The following ZNF560 variants were observed in gnomAD, a reference collection of about 807,000 sequenced individuals.
The protein encoded by ZNF560 is zinc finger protein 560.
Under a neutral mutation model 81.8 loss-of-function variants are expected in ZNF560, and 54 were observed. The ratio of observed to expected loss-of-function variants is 0.66; its 90% CI spans 0.53 to 0.83. ZNF560 has a LOEUF of 0.83. ZNF560 is among the 40% of genes least tolerant of loss of function. The pLI is 0.00. For missense variants in ZNF560, 940 were observed against 932.4 expected, an observed-to-expected ratio of 1.01 and a Z score of -0.11; for synonymous variants, 321 against 317.9, an observed-to-expected ratio of 1.01 and a Z score of -0.10.
At chr19:9,448,089 A>G in the ZNF560 span, among the ~76,000 whole-genome samples, 1 of 152,206 alleles carries the variant, frequency 6.6e-6, no homozygotes. Context: ...ACTCAAACCA[A>G]GAATTTCAAA....
At chr19:9,501,093 TA>T (rs536528750), upstream of ZNF560, among the ~76,000 whole-genome samples, 1 of 151,970 alleles carries the variant, frequency 6.6e-6, no homozygotes, top group Non-Finnish European at 1.5e-5. Flanking sequence ...GATTTGCTAA[TA>T]TTTTTTAAGG....
the ZNF560 span, among the ~76,000 whole-genome samples, chr19:9,454,588 C>T: frequency 5.3e-5 from 8 of 152,114 alleles, no homozygotes; most frequent in Non-Finnish European, 7.3e-5. Context: ...GAGTCTGCCT[C>T]GGCAGCTCCT....
downstream of ZNF560, among the ~76,000 whole-genome samples, chr19:9,465,986 T>A (rs1331348677): frequency 6.6e-6 from 1 of 151,294 alleles, no homozygotes; most frequent in African/African-American, 2.4e-5. Context: ...AGAGTGGGAC[T>A]TCATCTCAAA....
intron 8 of ZNF560, 106 bp downstream of exon 8, chr19:9,469,524 C>T: frequency 2.0e-6 from 2 of 983,338 alleles, no homozygotes; most frequent in Non-Finnish European, 3.2e-6. Context: ...CATCCAAGTC[C>T]AGTGGACAGC....
chr19:9,482,694 G>A (rs75808906), intron 2 of ZNF560, among the ~76,000 whole-genome samples: 10 of 109,436 alleles, frequency 9.1e-5, no homozygotes, highest in South Asian at 3.4e-4. Flanking sequence ...CTCTTTCCAC[G>A]GTCTCCCTCT....
At chr19:9,469,987 C>T in intron 7 of ZNF560, 1 of 456,388 alleles carries the variant, frequency 2.2e-6, no homozygotes, top group Non-Finnish European at 3.9e-6. Context: ...TTCTAAAAAC[C>T]ACTAAAACCT....
chr19:9,489,831 C>A (rs927938144), intron 2 of ZNF560, among the ~76,000 whole-genome samples: 1 of 152,142 alleles, frequency 6.6e-6, no homozygotes, highest in Non-Finnish European at 1.5e-5. Flanking sequence ...ACCTCATGAT[C>A]CGCCCACCTC....
Position 9,467,503 on chromosome 19 carries a change from T to A in ZNF560, c.1444A>T (p.Asn482Tyr), listed in dbSNP as rs142533068. ...CAATCAAAGCGTTTCTGTCCTGTGT[T>A]ACTTCTTCTATCTTCAATAACACCT... is the stretch of plus-strand genomic sequence containing the variant. ...SSGVIEDRRS[N>Y]TGQKRFDCDQ... Residue 482 changes from asparagine (N) to tyrosine (Y), a missense_variant, in exon 10 of 10, where the codon AAC becomes TAC. Transcript: ENST00000301480. 10 of 1,613,974 alleles carry A rather than the reference T, an allele frequency of 6.2e-6. No homozygotes were observed. Among genetic ancestry groups the A allele is most frequent in the Admixed American group, 1.7e-5 (1 of 59,990 alleles).
rs1285902520 is a variant in ZNF560, at chr19:9,467,410, C to T, written c.1537G>A (p.Glu513Lys). ...CATTTGTAACACTTAAAGGGCTTCT[C>T]ACCAGTGTGAGTTCTCAAATGAGCA... ...LFAHLRTHTG[E>K]KPFKCYKCGK... Residue 513 changes from glutamate to lysine, a missense_variant, in exon 10 of 10, where the codon GAG becomes AAG. Glu to Lys is a moderately conservative substitution (Grantham distance 56). Transcript: ENST00000301480. The T allele has an allele frequency of 6.2e-7, 1 of 1,614,028 alleles. No individual in the cohort carries two copies.
chr19:9,480,613 T>C (rs1216245928), intron 2 of ZNF560, among the ~76,000 whole-genome samples: 4 of 148,904 alleles, frequency 2.7e-5, no homozygotes. Context: ...TCTGAAAAGA[T>C]GAACAAACCT....
intron 2 of ZNF560, among the ~76,000 whole-genome samples, chr19:9,489,039 C>T (rs1364874669): frequency 6.6e-6 from 1 of 152,242 alleles, no homozygotes; most frequent in Non-Finnish European, 1.5e-5. Flanking sequence ...AGGCAGAAGT[C>T]ACTATGCTTC....
intron 2 of ZNF560, among the ~76,000 whole-genome samples, chr19:9,496,603 T>TG (rs2073562582): frequency 2.5e-5 from 2 of 78,846 alleles, no homozygotes; most frequent in Admixed American, 1.4e-4. Flanking sequence ...AAGGTGGGGG[T>TG]GGGGGGGACA....
At position 9,480,465 on chromosome 19, in the gene ZNF560, T is replaced by G. The variant is rs185960958; in HGVS notation, c.-56-5096A>C. 2.6e-5 allele frequency among the ~76,000 whole-genome samples: 4 copies of G among 151,762 alleles called. No individual in the cohort carries two copies. The East Asian group carries it at 7.7e-4, about 29-fold the overall frequency. ...AAAAGAAAATCACAAGTAAACACCC[T>G]AACACTGCACCTTGAGGACTTAGAA... On this transcript the variant is annotated intron_variant, in intron 2 of 9. Transcript: ENST00000301480.
the ZNF560 span, among the ~76,000 whole-genome samples, chr19:9,461,232 T>A: frequency 6.6e-6 from 1 of 152,186 alleles, no homozygotes; most frequent in Non-Finnish European, 1.5e-5. Flanking sequence ...CTTTTGTTGG[T>A]AATGGGCGAT....
intron 2 of ZNF560, among the ~76,000 whole-genome samples, chr19:9,477,654 A>T (rs1054730381): frequency 6.6e-6 from 1 of 152,122 alleles, no homozygotes; most frequent in Non-Finnish European, 1.5e-5. Context: ...TGCCCCTTAT[A>T]TTGACTATTT....
chr19:9,453,600 GC>G, the ZNF560 span, among the ~76,000 whole-genome samples: 1 of 152,016 alleles, frequency 6.6e-6, no homozygotes, highest in Non-Finnish European at 1.5e-5. Context: ...AACAACTCTT[GC>G]CAAAACAGAC....
chr19:9,499,767 A>G (rs949909604), upstream of ZNF560, among the ~76,000 whole-genome samples: 2 of 152,168 alleles, frequency 1.3e-5, no homozygotes, highest in African/African-American at 4.8e-5. Context: ...AAACTCTTTC[A>G]GTAATGTTTT....
intron 2 of ZNF560, among the ~76,000 whole-genome samples, chr19:9,493,916 T>A (rs1001307607): frequency 6.6e-6 from 1 of 151,996 alleles, no homozygotes; most frequent in Middle Eastern, 3.4e-3. Flanking sequence ...GCACATCACC[T>A]GAGGTCAGGA....
intron 2 of ZNF560, among the ~76,000 whole-genome samples, chr19:9,485,250 A>C (rs1166453723): frequency 6.6e-6 from 1 of 152,180 alleles, no homozygotes; most frequent in Non-Finnish European, 1.5e-5. Context: ...CAATATCCCT[A>C]AGTATACAGA....
Sources: allele counts gnomAD v4.1 joint callset (sites outside exome capture counted in the v4.1 genomes callset), GRCh38; gene constraint gnomAD v4.1.1; transcripts MANE v1.5; gene names NCBI Gene and HGNC (gene_info 2026-07-23, HGNC 2026-07-21).